The following PRKG1 variants were observed in gnomAD, a reference collection of about 807,000 sequenced individuals.
PRKG1 encodes the protein cGMP-dependent protein kinase 1.
Under a neutral mutation model 88.1 loss-of-function variants are expected in PRKG1, and 35 were observed. The observed-to-expected ratio is 0.40, with a 90% CI of 0.30 to 0.53. The LOEUF is 0.53. Among genes scored for constraint, PRKG1 ranks in the 20% least tolerant of loss-of-function variants. PRKG1 has a pLI of 0.59. For missense variants in PRKG1, 540 were observed against 839.8 expected, an observed-to-expected ratio of 0.64 and a Z score of 4.41; for synonymous variants, 303 against 292.5, an observed-to-expected ratio of 1.04 and a Z score of -0.37.
intron 1 of PRKG1, among the ~76,000 whole-genome samples, chr10:51,125,390 A>C (rs1845370122): frequency 6.6e-6 from 1 of 150,786 alleles, no homozygotes; most frequent in African/African-American, 2.4e-5. Flanking sequence ...AATTATATAA[A>C]TTTATTTAAA....
intron 10 of PRKG1, among the ~76,000 whole-genome samples, chr10:52,258,567 C>T (rs570832342): frequency 6.6e-6 from 1 of 151,980 alleles, no homozygotes; most frequent in East Asian, 1.9e-4. Context: ...ATTGAAAGAG[C>T]TGTTGTTATT....
At chr10:51,967,938 C>T (rs1188753983) in intron 5 of PRKG1, among the ~76,000 whole-genome samples, 1 of 152,192 alleles carries the variant, frequency 6.6e-6, no homozygotes. Flanking sequence ...AGAATCCCAC[C>T]AGCCATTCTC....
At chr10:52,114,884 T>C (rs1314363442) in intron 7 of PRKG1, among the ~76,000 whole-genome samples, 1 of 151,928 alleles carries the variant, frequency 6.6e-6, no homozygotes, top group Non-Finnish European at 1.5e-5. Flanking sequence ...GAATGGAGCA[T>C]TGTAAAGGAA....
At chr10:52,177,528 G>C (rs977487651) in intron 9 of PRKG1, among the ~76,000 whole-genome samples, 3 of 152,046 alleles carry the variant, frequency 2.0e-5, no homozygotes, top group Admixed American at 6.6e-5. Context: ...GAATGAGTTA[G>C]GAAGAGTTCT....
intron 2 of PRKG1, among the ~76,000 whole-genome samples, chr10:51,330,106 T>C (rs958259487): frequency 3.2e-4 from 2 of 6,294 alleles, no homozygotes; most frequent in African/African-American, 6.9e-4. Context: ...CATTTGCTCT[T>C]TTATTTATTT....
chr10:52,156,571 G>A (rs903851209), intron 8 of PRKG1, among the ~76,000 whole-genome samples: 1 of 151,688 alleles, frequency 6.6e-6, no homozygotes, highest in African/African-American at 2.4e-5. Context: ...ATATGGATGT[G>A]GCTGGTTTTA....
chr10:51,153,412 C>T lies in PRKG1; in HGVS notation c.478+82C>T, dbSNP rs559174941. ...GCTGCACACAGATGGCAATGCATTA[C>T]ATGGAAAATTCCATTTTTCCTTCTT... On this transcript the variant is annotated intron_variant, in intron 2 of 17. Transcript: ENST00000373980. 6.4e-5 allele frequency: 82 copies of T among 1,290,432 alleles called. No individual in the cohort carries two copies. The African/African-American group carries it at 1.0e-3, about 16-fold the overall frequency. The allele number at this position is 1,290,432 out of a possible 1,614,324, so 79.9% of individuals were successfully genotyped here.
intron 1 of PRKG1, among the ~76,000 whole-genome samples, chr10:51,111,028 A>G (rs937423646): frequency 6.6e-6 from 1 of 152,128 alleles, no homozygotes; most frequent in African/African-American, 2.4e-5. Context: ...AATGCCAAGG[A>G]AAGGTGCAGA....
chr10:51,057,628 T>C (rs1420796206), intron 1 of PRKG1, among the ~76,000 whole-genome samples: 1 of 152,202 alleles, frequency 6.6e-6, no homozygotes, highest in Non-Finnish European at 1.5e-5. Flanking sequence ...CCATGTGATA[T>C]ATATTCATTT....
chr10:51,321,891 T>C (rs1355452033), intron 2 of PRKG1, among the ~76,000 whole-genome samples: 2 of 152,270 alleles, frequency 1.3e-5, no homozygotes, highest in Non-Finnish European at 1.5e-5. Flanking sequence ...ACACTTATTA[T>C]GTACCCTCAA....
At chr10:51,536,188 G>A (rs1340344897) in intron 3 of PRKG1, among the ~76,000 whole-genome samples, 1 of 152,174 alleles carries the variant, frequency 6.6e-6, no homozygotes, top group Non-Finnish European at 1.5e-5. Flanking sequence ...GAAGTTAAGT[G>A]ATCTGCCCAG....
chr10:50,997,871 A>G (rs940738405), intron 1 of PRKG1, among the ~76,000 whole-genome samples: 10 of 152,238 alleles, frequency 6.6e-5, no homozygotes, highest in African/African-American at 2.4e-4. Flanking sequence ...ATGTGTATAC[A>G]TATGTGTGTA....
intron 8 of PRKG1, among the ~76,000 whole-genome samples, chr10:52,160,303 T>A (rs952527040): frequency 7.2e-5 from 11 of 151,948 alleles, no homozygotes; most frequent in African/African-American, 2.7e-4. Context: ...CTGTGGGAAT[T>A]ATATTTATTA....
chr10:51,668,083 G>T (rs1304194212), intron 3 of PRKG1, among the ~76,000 whole-genome samples: 1 of 152,078 alleles, frequency 6.6e-6, no homozygotes, highest in Non-Finnish European at 1.5e-5. Flanking sequence ...TTTCTTGCTT[G>T]TAACTATTGG....
At chr10:51,255,060 A>G (rs562218625) in intron 2 of PRKG1, among the ~76,000 whole-genome samples, 1 of 152,254 alleles carries the variant, frequency 6.6e-6, no homozygotes, top group South Asian at 2.1e-4. Flanking sequence ...TCAATAATGC[A>G]GTGGCCTTCC....
chr10:51,083,570 C>T (rs1844170865), intron 1 of PRKG1, among the ~76,000 whole-genome samples: 1 of 151,314 alleles, frequency 6.6e-6, no homozygotes, highest in African/African-American at 2.4e-5. Flanking sequence ...AGCGTGAGCT[C>T]AGGCTGAGGA....
chr10:51,694,766 G>A (rs1841241694), intron 3 of PRKG1, among the ~76,000 whole-genome samples: 3 of 152,276 alleles, frequency 2.0e-5, no homozygotes, highest in South Asian at 4.1e-4. Context: ...AACGATGATT[G>A]TGTAGAAAAA....
At chr10:51,859,345 TTTTC>T (rs1170233856) in intron 4 of PRKG1, among the ~76,000 whole-genome samples, 9 of 151,630 alleles carry the variant, frequency 5.9e-5, no homozygotes, top group South Asian at 2.1e-4. Flanking sequence ...CCTTAAGCCT[TTTTC>T]TTTCTTTTTT....
intron 2 of PRKG1, among the ~76,000 whole-genome samples, chr10:51,435,247 C>T (rs563453978): frequency 1.8e-4 from 28 of 151,872 alleles, no homozygotes; most frequent in African/African-American, 6.0e-4. Flanking sequence ...TATGTGTTTG[C>T]TTGTTTGTTT....
Sources: gnomAD v4.1 joint callset for allele counts (sites outside exome capture counted in the v4.1 genomes callset) on GRCh38, gnomAD v4.1.1 for gene constraint, MANE v1.5 for transcripts, NCBI Gene and HGNC (gene_info 2026-07-23, HGNC 2026-07-21) for gene names.